The following GNL3L variants were observed in gnomAD, a reference collection of about 807,000 sequenced individuals.
GNL3L encodes the protein guanine nucleotide-binding protein-like 3-like protein.
A neutral mutation model predicts 42.9 loss-of-function variants in GNL3L; 4 were observed. The observed-to-expected ratio is 0.09, with a 90% CI of 0.05 to 0.21. The LOEUF (loss-of-function observed/expected upper bound fraction) is 0.21, where lower values mean the gene tolerates loss of function less well. Ranked by LOEUF, GNL3L falls within the 10% of genes least tolerant of loss-of-function variation. The pLI is 1.00. For missense variants in GNL3L, 412 were observed against 481.7 expected (o/e 0.86, Z 1.36); for synonymous variants, 159 against 176.3 (o/e 0.90, Z 0.78).
At chrX:54,551,425 C>T in intron 10 of GNL3L, 143 bp from the exon 11 acceptor site, 1 of 482,243 alleles carries the variant, frequency 2.1e-6, no homozygotes, top group South Asian at 3.2e-5. Flanking sequence ...CCAGTCACCC[C>T]TCCTCCAACT....
chrX:54,588,810 A>G (rs1282756013), intron 16 of GNL3L, among the ~76,000 whole-genome samples: 5 of 112,185 alleles, frequency 4.5e-5, no homozygotes, highest in Non-Finnish European at 9.4e-5. Context: ...TAAAAAATAA[A>G]AAAAAGTGGA....
intron 14 of GNL3L, among the ~76,000 whole-genome samples, chrX:54,557,970 G>A (rs768418233): frequency 1.8e-5 from 2 of 109,400 alleles, no homozygotes; most frequent in Admixed American, 9.7e-5. Context: ...TGCAACTGCC[G>A]CCTCCCAGGT....
At chrX:54,547,115 G>T (rs1361871559) in intron 8 of GNL3L, among the ~76,000 whole-genome samples, 1 of 105,363 alleles carries the variant, frequency 9.5e-6, no homozygotes. Flanking sequence ...TTCTGCCCCA[G>T]CCTCCCGAGT....
At chrX:54,629,121 G>A in the GNL3L span, among the ~76,000 whole-genome samples, 1 of 109,275 alleles carries the variant, frequency 9.2e-6, no homozygotes, top group Non-Finnish European at 1.9e-5. Context: ...TTTGTATCCT[G>A]AAACTTTACT....
chrX:54,604,810 G>A (rs931789466), intron 16 of GNL3L, among the ~76,000 whole-genome samples: 1 of 112,191 alleles, frequency 8.9e-6, no homozygotes, highest in African/African-American at 3.2e-5. Flanking sequence ...CTGTGCCTCA[G>A]TTCCCTCATT....
chrX:54,583,737 A>C (rs1925746081), intron 16 of GNL3L, among the ~76,000 whole-genome samples: 1 of 109,997 alleles, frequency 9.1e-6, no homozygotes, highest in Non-Finnish European at 1.9e-5. Flanking sequence ...GACCTCCCCA[A>C]GCTCAAGTGA....
chrX:54,645,061 A>G, the GNL3L span, among the ~76,000 whole-genome samples: 1 of 111,796 alleles, frequency 8.9e-6, no homozygotes, highest in African/African-American at 3.2e-5. Context: ...GTGGGAAAGC[A>G]ATTACCAGTA....
At chrX:54,574,650 T>C (rs1390268756) in intron 16 of GNL3L, among the ~76,000 whole-genome samples, 1 of 112,240 alleles carries the variant, frequency 8.9e-6, no homozygotes, top group East Asian at 2.8e-4. Flanking sequence ...ATAGAATAAG[T>C]TGGGAAGTGT....
chrX:54,579,930 G>A (rs1925684927), intron 16 of GNL3L, among the ~76,000 whole-genome samples: 1 of 104,312 alleles, frequency 9.6e-6, no homozygotes, highest in Admixed American at 1.0e-4. Flanking sequence ...CACCAGCCTC[G>A]GCCTCCCAAA....
At chrX:54,621,727 A>T (rs1220198260), downstream of GNL3L, among the ~76,000 whole-genome samples, 1 of 110,184 alleles carries the variant, frequency 9.1e-6, no homozygotes, top group Non-Finnish European at 1.9e-5. Flanking sequence ...AATCGCTTGA[A>T]CCCAGGAGGT....
chrX:54,534,321 A>G (rs769988608), intron 2 of GNL3L, among the ~76,000 whole-genome samples: 1 of 111,324 alleles, frequency 9.0e-6, no homozygotes, highest in Non-Finnish European at 1.9e-5. Context: ...AGAGGCCTGC[A>G]AGTGAAGCAT....
chrX:54,629,829 G>A, the GNL3L span, among the ~76,000 whole-genome samples: 1 of 111,851 alleles, frequency 8.9e-6, no homozygotes, highest in Non-Finnish European at 1.9e-5. Flanking sequence ...GTTTCAGTAG[G>A]ATTGGTACCA....
intron 16 of GNL3L, among the ~76,000 whole-genome samples, chrX:54,610,331 A>G (rs940247402): frequency 5.4e-5 from 6 of 110,915 alleles, no homozygotes; most frequent in Admixed American, 9.6e-5. Context: ...AGCAATTTGG[A>G]TGCCTTTTAT....
At chrX:54,532,662 T>G in intron 2 of GNL3L, 77 bp downstream of exon 2, 1 of 857,305 alleles carries the variant, frequency 1.2e-6, no homozygotes, top group Non-Finnish European at 1.7e-6. Context: ...ACTTTTTGTT[T>G]TTTTGGTTTT....
At chrX:54,619,443 T>C (rs1477338732) in intron 16 of GNL3L, among the ~76,000 whole-genome samples, 1 of 110,850 alleles carries the variant, frequency 9.0e-6, no homozygotes, top group Non-Finnish European at 1.9e-5. Context: ...TTTGGAAATA[T>C]AGGTACAAAC....
intron 1 of GNL3L, 138 bp from the exon 2 acceptor site, chrX:54,532,382 A>T (rs765215867): frequency 2.2e-4 from 97 of 448,800 alleles, no homozygotes; most frequent in Non-Finnish European, 3.1e-4. Context: ...CTTTAGCTCC[A>T]GCTTCTCCCA....
At chrX:54,623,084 A>G (rs1478748770), downstream of GNL3L, among the ~76,000 whole-genome samples, 1 of 111,531 alleles carries the variant, frequency 9.0e-6, no homozygotes, top group Non-Finnish European at 1.9e-5. Flanking sequence ...CTATATGTCT[A>G]TCTTTATACT....
chrX:54,641,953 A>G, the GNL3L span, among the ~76,000 whole-genome samples: 3 of 111,735 alleles, frequency 2.7e-5, no homozygotes, highest in East Asian at 8.5e-4. Flanking sequence ...GTGCAGATGA[A>G]TTACATTAAT....
chrX:54,591,620 C>T (rs1054607008), intron 16 of GNL3L, among the ~76,000 whole-genome samples: 4 of 108,812 alleles, frequency 3.7e-5, no homozygotes, highest in African/African-American at 1.3e-4. Flanking sequence ...ATTGAGTTCA[C>T]TGTAGGTGTG....
Sources: allele counts gnomAD v4.1 joint callset (sites outside exome capture counted in the v4.1 genomes callset), GRCh38; gene constraint gnomAD v4.1.1; transcripts MANE v1.5; gene names NCBI Gene and HGNC (gene_info 2026-07-23, HGNC 2026-07-21).